The following ZBTB20 variants were observed in gnomAD, a reference collection of about 807,000 sequenced individuals.
ZBTB20 encodes zinc finger and BTB domain containing 20.
Under a neutral mutation model 56.9 loss-of-function variants are expected in ZBTB20, and 9 were observed. The observed-to-expected ratio is 0.16, with a 90% CI of 0.10 to 0.28. ZBTB20 has a LOEUF of 0.28. Ranked by LOEUF, ZBTB20 falls within the 10% of genes least tolerant of loss-of-function variation. The pLI, the probability that ZBTB20 is intolerant of heterozygous loss-of-function variation, is 1.00. For missense variants in ZBTB20, 655 were observed against 1,003.0 expected (o/e 0.65, Z 4.69); for synonymous variants, 417 against 420.7 (o/e 0.99, Z 0.11).
intron 7 of ZBTB20, among the ~76,000 whole-genome samples, chr3:114,459,745 A>G (rs1049372367): frequency 7.2e-5 from 11 of 152,160 alleles, no homozygotes; most frequent in Non-Finnish European, 7.3e-5. Flanking sequence ...TGGAGGGTAT[A>G]GTATTTAAGA....
At chr3:114,961,750 A>C (rs1334055150) in intron 3 of ZBTB20, among the ~76,000 whole-genome samples, 1 of 152,128 alleles carries the variant, frequency 6.6e-6, no homozygotes, top group Non-Finnish European at 1.5e-5. Flanking sequence ...TTCATTCACC[A>C]TGTCTCTTTT....
intron 4 of ZBTB20, among the ~76,000 whole-genome samples, chr3:114,862,007 A>G (rs1265465924): frequency 1.3e-5 from 2 of 152,156 alleles, no homozygotes; most frequent in Non-Finnish European, 2.9e-5. Context: ...CATGATTCTT[A>G]TTTGTTTTTC....
At chr3:114,840,719 C>A (rs1268137898) in intron 4 of ZBTB20, among the ~76,000 whole-genome samples, 1 of 152,068 alleles carries the variant, frequency 6.6e-6, no homozygotes, top group Non-Finnish European at 1.5e-5. Flanking sequence ...TGATACCTTC[C>A]TATCCCTGAC....
intron 5 of ZBTB20, among the ~76,000 whole-genome samples, chr3:114,753,040 T>C (rs1267928902): frequency 6.6e-6 from 1 of 152,026 alleles, no homozygotes; most frequent in Non-Finnish European, 1.5e-5. Flanking sequence ...CAGGTCCCCA[T>C]GGAAAGAAGT....
chr3:114,498,945 C>T lies in ZBTB20; in HGVS notation c.-255+1407G>A, dbSNP rs139357450. 7.9e-3 allele frequency among the ~76,000 whole-genome samples: 1,203 copies of T among 152,238 alleles called. 6 individuals are homozygous for T. The highest frequency in any genetic ancestry group is 0.014 in the Non-Finnish European group (938 of 68,020). On this transcript the variant is annotated intron_variant, in intron 7 of 11. Coordinates refer to ENST00000675478, the MANE Select transcript of ZBTB20 (RefSeq NM_001348800.3). ...GCAGGAGTGCACTGTGCTGACTCAT[C>T]CCGGTGATGTGAGGATTAATGCCTT...
chr3:114,554,770 C>T lies in ZBTB20; in HGVS notation c.-294-54379G>A, dbSNP rs1227864435. 2.0e-5 allele frequency among the ~76,000 whole-genome samples: 3 copies of T among 152,052 alleles called. No individual in the cohort carries two copies. In the East Asian group the frequency reaches 5.8e-4, roughly 29 times the overall value. On this transcript the variant is annotated intron_variant, in intron 6 of 11. Transcript: ENST00000675478. ...AATAGCCTCAAGTGTCAGCAGATCT[C>T]TGTATCTTTTTAATATCCCCCAAAC...
chr3:114,607,620 T>C (rs1313229489), intron 6 of ZBTB20, among the ~76,000 whole-genome samples: 1 of 152,102 alleles, frequency 6.6e-6, no homozygotes. Context: ...CTTACTCTTT[T>C]AATAAATCAG....
intron 6 of ZBTB20, among the ~76,000 whole-genome samples, chr3:114,623,500 A>G (rs562187383): frequency 6.6e-6 from 1 of 152,280 alleles, no homozygotes; most frequent in South Asian, 2.1e-4. Context: ...ATGAATGCAG[A>G]AGAATAAAGA....
rs2079305583 is a variant in ZBTB20, at chr3:114,332,694, C to A, written c.*6311G>T. The A allele has an allele frequency of 6.6e-6, 1 of 152,166 alleles. No homozygotes were observed. Among genetic ancestry groups the A allele is most frequent in the Non-Finnish European group, 1.5e-5 (1 of 68,026 alleles). The allele number at this position is 152,166 out of a possible 1,614,324, so 9.4% of individuals were successfully genotyped here. On this transcript the variant is annotated 3_prime_UTR_variant, in exon 12 of 12. Transcript: ENST00000675478. The stretch of plus-strand genomic sequence containing the variant: ...TCATTTCTATATCTTTTATCCTCTT[C>A]CCAGGGCTTTCTGATTTAAGGCAAT...
intron 3 of ZBTB20, among the ~76,000 whole-genome samples, chr3:114,922,606 T>A (rs913364096): frequency 2.0e-5 from 3 of 152,196 alleles, no homozygotes; most frequent in African/African-American, 7.2e-5. Flanking sequence ...GGGTAATTTA[T>A]AAAGAGAAAA....
intron 3 of ZBTB20, among the ~76,000 whole-genome samples, chr3:114,967,097 A>G (rs1165101935): frequency 6.6e-6 from 1 of 152,158 alleles, no homozygotes; most frequent in Admixed American, 6.6e-5. Flanking sequence ...GTGGTTGTGT[A>G]ACCTTGAAGA....
chr3:114,717,314 G>A (rs969605267), intron 5 of ZBTB20, among the ~76,000 whole-genome samples: 8 of 152,058 alleles, frequency 5.3e-5, no homozygotes, highest in African/African-American at 1.9e-4. Context: ...ATACCATAAA[G>A]GAACTTTAGA....
intron 2 of ZBTB20, among the ~76,000 whole-genome samples, chr3:115,036,303 T>C (rs2080916786): frequency 6.6e-6 from 1 of 152,130 alleles, no homozygotes; most frequent in African/African-American, 2.4e-5. Flanking sequence ...TTTTTTTTTC[T>C]TTCTTTTTTT....
rs2078766641 is a variant in ZBTB20 at position 114,318,326 on chromosome 3, C to T, written c.*20679G>A. 6.6e-6 allele frequency: 1 copy of T among 152,300 alleles called. No homozygotes were observed. The highest frequency in any genetic ancestry group is 1.5e-5 in the Non-Finnish European group (1 of 68,140). 9.4% of individuals were successfully genotyped at this position (152,300 alleles called of 1,614,324 possible). The stretch of plus-strand genomic sequence containing the variant: ...CACACCACCCACAGCCATTTCCCTC[C>T]TTTGGGTCCCTGCCCCCCTGCTCCC... On this transcript the variant is annotated 3_prime_UTR_variant, in exon 12 of 12. Transcript: ENST00000675478.
At chr3:114,457,113 G>C (rs2092067649) in intron 7 of ZBTB20, among the ~76,000 whole-genome samples, 1 of 152,236 alleles carries the variant, frequency 6.6e-6, no homozygotes, top group African/African-American at 2.4e-5. Flanking sequence ...CAAAATACCT[G>C]ATAGGCCAGA....
intron 3 of ZBTB20, among the ~76,000 whole-genome samples, chr3:114,911,217 G>T (rs1334719614): frequency 5.9e-5 from 9 of 151,934 alleles, no homozygotes; most frequent in Non-Finnish European, 1.3e-4. Flanking sequence ...TTTTGAGAGG[G>T]TAGAATCAAG....
intron 5 of ZBTB20, among the ~76,000 whole-genome samples, chr3:114,714,928 C>T (rs778765181): frequency 6.6e-6 from 1 of 152,190 alleles, no homozygotes; most frequent in Non-Finnish European, 1.5e-5. Context: ...TTGTTTTGTT[C>T]TCACACCACT....
chr3:114,576,296 G>C (rs941057877), intron 6 of ZBTB20, among the ~76,000 whole-genome samples: 1 of 151,468 alleles, frequency 6.6e-6, no homozygotes, highest in Non-Finnish European at 1.5e-5. Flanking sequence ...TCAGGAGATC[G>C]AGACCATCCT....
intron 4 of ZBTB20, chr3:114,874,167 C>T (rs2076109644): frequency 6.6e-6 from 1 of 152,084 alleles, no homozygotes; most frequent in Non-Finnish European, 1.5e-5. Context: ...AGCAGACCCT[C>T]CCTTTTATAA....
Sources: gnomAD v4.1 joint callset for allele counts (sites outside exome capture counted in the v4.1 genomes callset) on GRCh38, gnomAD v4.1.1 for gene constraint, MANE v1.5 for transcripts, NCBI Gene and HGNC (gene_info 2026-07-23, HGNC 2026-07-21) for gene names.